Variants in MTCL3 observed in about 807,000 individuals in gnomAD.
MTCL3 encodes MTCL family member 3, also known as microtubule cross-linking factor 3.
the MTCL3 span, chr6:127,513,162 G>A: frequency 1.0e-6 from 1 of 967,682 alleles, no homozygotes; most frequent in Non-Finnish European, 1.5e-6. Context: ...TGTTTACCAT[G>A]TGCCAGGCAT....
chr6:127,498,559 C>T, the MTCL3 span, among the ~76,000 whole-genome samples: 1 of 134,602 alleles, frequency 7.4e-6, no homozygotes, highest in Admixed American at 7.1e-5. Context: ...ACCATATGAC[C>T]CCCAAATTCT....
At chr6:127,498,445 T>G in the MTCL3 span, among the ~76,000 whole-genome samples, 1 of 152,038 alleles carries the variant, frequency 6.6e-6, no homozygotes, top group African/African-American at 2.4e-5. Flanking sequence ...TTGAAAAGGG[T>G]GTGGATAAAT....
At chr6:127,506,275 G>T in the MTCL3 span, among the ~76,000 whole-genome samples, 1 of 152,140 alleles carries the variant, frequency 6.6e-6, no homozygotes, top group Non-Finnish European at 1.5e-5. Flanking sequence ...ATCCATGATG[G>T]TTGCATGTAG....
the MTCL3 span, among the ~76,000 whole-genome samples, chr6:127,477,423 T>G: frequency 6.6e-6 from 1 of 152,246 alleles, no homozygotes; most frequent in Non-Finnish European, 1.5e-5. Flanking sequence ...CCAAGGACAA[T>G]TTCTCAAAAT....
At chr6:127,473,081 T>G in the MTCL3 span, 3 of 1,135,714 alleles carry the variant, frequency 2.6e-6, no homozygotes, top group Non-Finnish European at 3.3e-6. Flanking sequence ...CTTTCTTACC[T>G]GAAATATTTT....
the MTCL3 span, chr6:127,516,514 C>T: frequency 6.3e-7 from 1 of 1,599,164 alleles, no homozygotes; most frequent in Non-Finnish European, 8.5e-7. Context: ...CTGCTGCTTT[C>T]TGCTGCTGCC....
At chr6:127,493,653 C>T in the MTCL3 span, among the ~76,000 whole-genome samples, 3 of 152,150 alleles carry the variant, frequency 2.0e-5, no homozygotes, top group South Asian at 2.1e-4. Context: ...GGCCAGGTAC[C>T]GTTCCTATCT....
the MTCL3 span, chr6:127,476,277 C>T: frequency 3.7e-6 from 6 of 1,614,084 alleles, no homozygotes; most frequent in Non-Finnish European, 5.1e-6. This position sits in a 1 kb window ranked among gnomAD's most constrained non-coding sequence, Gnocchi z 4.4. Flanking sequence ...GCTCGGCCTC[C>T]CTAGTGCTGG....
At chr6:127,475,283 A>C in the MTCL3 span, 1 of 1,589,008 alleles carries the variant, frequency 6.3e-7, no homozygotes, top group South Asian at 1.1e-5. This position sits in a 1 kb window ranked among gnomAD's most constrained non-coding sequence, Gnocchi z 7.3. Flanking sequence ...CGCAATAGGC[A>C]GAACTGTACC....
chr6:127,495,504 TTAATGCAGTGAAATTAG>T, the MTCL3 span, among the ~76,000 whole-genome samples: 1 of 152,196 alleles, frequency 6.6e-6, no homozygotes, highest in Non-Finnish European at 1.5e-5. Flanking sequence ...TTCGAACTCA[TTAATGCAGTGAAATTAG>T]CAACATTGTT....
At chr6:127,475,958 C>T in the MTCL3 span, 1 of 1,612,040 alleles carries the variant, frequency 6.2e-7, no homozygotes, top group Non-Finnish European at 8.5e-7. The surrounding 1 kb of genome is among the most constrained non-coding windows in gnomAD (Gnocchi z 7.3). Flanking sequence ...TGGTGCCGCG[C>T]GCTGTCGTGG....
At chr6:127,504,787 C>T in the MTCL3 span, among the ~76,000 whole-genome samples, 19,213 of 152,172 alleles carry the variant, frequency 0.13, 1,647 homozygotes, top group Non-Finnish European at 0.2. Context: ...CAAAAAACAT[C>T]AGAGAAGTCA....
At chr6:127,491,077 A>G in the MTCL3 span, among the ~76,000 whole-genome samples, 1 of 152,244 alleles carries the variant, frequency 6.6e-6, no homozygotes, top group Non-Finnish European at 1.5e-5. Flanking sequence ...TAGATGAGCA[A>G]AGGAAGTGAT....
At chr6:127,507,842 C>CAAAAAAAAAAAAAAAAAAAAAAA in the MTCL3 span, among the ~76,000 whole-genome samples, 1 of 82,088 alleles carries the variant, frequency 1.2e-5, no homozygotes, top group African/African-American at 5.7e-5. Context: ...GACTATGTCT[C>CAAAAAAAAAAAAAAAAAAAAAAA]AAAAAAAAAA....
At chr6:127,485,965 G>A in the MTCL3 span, among the ~76,000 whole-genome samples, 553 of 152,276 alleles carry the variant, frequency 3.6e-3, 4 homozygotes, top group African/African-American at 0.012. Flanking sequence ...TAAAGATATA[G>A]AGGAATGAGT....
At chr6:127,473,972 C>G in the MTCL3 span, among the ~76,000 whole-genome samples, 2 of 152,164 alleles carry the variant, frequency 1.3e-5, no homozygotes, top group East Asian at 3.8e-4. Context: ...CGGTGTGCCT[C>G]TACAAATCAG....
At chr6:127,487,767 G>A in the MTCL3 span, among the ~76,000 whole-genome samples, 20,988 of 152,160 alleles carry the variant, frequency 0.14, 2,276 homozygotes, top group East Asian at 0.64. Flanking sequence ...TGATCAAGCT[G>A]TATCATCCTG....
chr6:127,514,654 C>A, the MTCL3 span, among the ~76,000 whole-genome samples: 3 of 152,230 alleles, frequency 2.0e-5, no homozygotes, highest in Admixed American at 2.0e-4. Flanking sequence ...GAGCCACCTG[C>A]CAGTTCTCTC....
chr6:127,517,369 G>C, the MTCL3 span: 1 of 152,108 alleles, frequency 6.6e-6, no homozygotes, highest in Non-Finnish European at 1.5e-5. Flanking sequence ...GAAAATAATA[G>C]CATTAAGAAT....
Sources: gnomAD v4.1 joint callset for allele counts (sites outside exome capture counted in the v4.1 genomes callset) on GRCh38, gnomAD v4.1.1 for gene constraint, Gnocchi (gnomAD v3.1) non-coding constraint, MANE v1.5 for transcripts, NCBI Gene and HGNC (gene_info 2026-07-23, HGNC 2026-07-21) for gene names.